The following CACNA2D3 variants were observed in gnomAD, a reference collection of about 807,000 sequenced individuals.
CACNA2D3 encodes voltage-dependent calcium channel subunit alpha-2/delta-3.
A neutral mutation model predicts 160.6 loss-of-function variants in CACNA2D3; 60 were observed. That is an observed-to-expected ratio of 0.37 (90% CI 0.30 to 0.46). The LOEUF (loss-of-function observed/expected upper bound fraction) is 0.46. Among genes scored for constraint, CACNA2D3 ranks in the 20% least tolerant of loss-of-function variants. The pLI, the probability that CACNA2D3 is intolerant of heterozygous loss-of-function variation, is 1.00. For missense variants in CACNA2D3, 1,205 were observed against 1,365.0 expected (o/e 0.88, Z 1.85); for synonymous variants, 558 against 492.9 (o/e 1.13, Z -1.75).
intron 18 of CACNA2D3, chr3:54,876,452 A>G (rs1470055673): frequency 6.6e-6 from 1 of 152,242 alleles, no homozygotes; most frequent in African/African-American, 2.4e-5. Flanking sequence ...ACCCTAGATC[A>G]TAGTACTTAG....
At chr3:54,773,160 A>G (rs1477545390) in intron 13 of CACNA2D3, among the ~76,000 whole-genome samples, 5 of 152,196 alleles carry the variant, frequency 3.3e-5, no homozygotes, top group Non-Finnish European at 5.9e-5. Flanking sequence ...ACTAAGTCCA[A>G]CTTGGAGAAA....
chr3:54,988,047 T>C (rs549604311), intron 31 of CACNA2D3, among the ~76,000 whole-genome samples: 176 of 152,288 alleles, frequency 1.2e-3, no homozygotes, highest in African/African-American at 4.0e-3. Flanking sequence ...CTGAAGCAAG[T>C]CACTGCGAAG....
chr3:54,315,339 A>G (rs1269773494), intron 2 of CACNA2D3, among the ~76,000 whole-genome samples: 3 of 152,232 alleles, frequency 2.0e-5, no homozygotes, highest in Non-Finnish European at 2.9e-5. Context: ...TCGTGACTTC[A>G]CATGTGACCT....
At chr3:54,969,261 A>ATTTTTTTTTTTTTTTTTTT (rs139722160) in intron 28 of CACNA2D3, among the ~76,000 whole-genome samples, 1 of 127,796 alleles carries the variant, frequency 7.8e-6, no homozygotes, top group African/African-American at 2.8e-5. Flanking sequence ...CATAAAGTAG[A>ATTTTTTTTTTTTTTTTTTT]CTTTTTTTTT....
chr3:54,159,038 A>G (rs547270912), intron 2 of CACNA2D3, among the ~76,000 whole-genome samples: 2 of 152,294 alleles, frequency 1.3e-5, no homozygotes, highest in Admixed American at 6.5e-5. Flanking sequence ...ATTGTTTCCA[A>G]TGCCAGAAGC....
intron 3 of CACNA2D3, among the ~76,000 whole-genome samples, chr3:54,384,268 GTAAA>G (rs1198402527): frequency 6.6e-6 from 1 of 152,100 alleles, no homozygotes; most frequent in Non-Finnish European, 1.5e-5. Context: ...ATGTGTTGCA[GTAAA>G]TAAATGCTCA....
intron 4 of CACNA2D3, among the ~76,000 whole-genome samples, chr3:54,485,047 G>A (rs887015413): frequency 2.0e-5 from 3 of 151,922 alleles, no homozygotes; most frequent in Admixed American, 6.6e-5. Context: ...GGGTTTCATC[G>A]TGTTGGCCAG....
intron 12 of CACNA2D3, among the ~76,000 whole-genome samples, chr3:54,762,189 C>G: frequency 6.6e-6 from 1 of 152,154 alleles, no homozygotes; most frequent in Non-Finnish European, 1.5e-5. Flanking sequence ...GACAGTCCTC[C>G]TGCCCATTTC....
chr3:54,295,536 C>A lies in CACNA2D3; in HGVS notation c.205-24906C>A, dbSNP rs548478612. On this transcript the variant is annotated intron_variant, in intron 2 of 37. Transcript: ENST00000474759. ...CTTGGTTCAGTCTGGAAAGACGGGACAACTCAAAGTGAGGAGGAGGCTTCC... is the reference window on the plus strand; with the variant it reads ...CTTGGTTCAGTCTGGAAAGACGGGAAAACTCAAAGTGAGGAGGAGGCTTCC... Among the ~76,000 whole-genome samples the A allele has an allele frequency of 5.9e-5, 9 of 152,232 alleles. No individual in the cohort carries two copies. In the East Asian group the frequency reaches 1.4e-3, roughly 23 times the overall value.
At chr3:54,959,933 A>G (rs1321277018) in intron 27 of CACNA2D3, among the ~76,000 whole-genome samples, 1 of 152,134 alleles carries the variant, frequency 6.6e-6, no homozygotes, top group African/African-American at 2.4e-5. Context: ...GTGAAAAGAA[A>G]ATTATTATTC....
intron 11 of CACNA2D3, among the ~76,000 whole-genome samples, chr3:54,675,127 G>C (rs1341496643): frequency 1.3e-5 from 2 of 152,114 alleles, no homozygotes; most frequent in African/African-American, 4.8e-5. Flanking sequence ...TTTTGGATTT[G>C]GCAATACCTA....
intron 13 of CACNA2D3, among the ~76,000 whole-genome samples, chr3:54,794,029 T>C (rs1702815274): frequency 6.6e-6 from 1 of 152,184 alleles, no homozygotes; most frequent in African/African-American, 2.4e-5. Flanking sequence ...AATATTCTCT[T>C]AGATTTCTTT....
At chr3:54,897,780 A>G (rs1394894793) in intron 26 of CACNA2D3, among the ~76,000 whole-genome samples, 1 of 152,222 alleles carries the variant, frequency 6.6e-6, no homozygotes, top group Admixed American at 6.5e-5. Flanking sequence ...AAATATTTTC[A>G]GAAAGGGTGC....
intron 9 of CACNA2D3, among the ~76,000 whole-genome samples, chr3:54,613,081 A>T (rs1054917261): frequency 1.1e-4 from 16 of 152,234 alleles, no homozygotes; most frequent in African/African-American, 3.6e-4. Context: ...TAAGTGGATC[A>T]GAGTCACAGT....
At chr3:54,531,185 A>C (rs1314408850) in intron 5 of CACNA2D3, among the ~76,000 whole-genome samples, 2 of 152,198 alleles carry the variant, frequency 1.3e-5, no homozygotes, top group Non-Finnish European at 2.9e-5. Flanking sequence ...AATTTGTCTG[A>C]ATCTTGTTTC....
intron 2 of CACNA2D3, among the ~76,000 whole-genome samples, chr3:54,179,179 A>G (rs1553745594): frequency 6.6e-6 from 1 of 152,214 alleles, no homozygotes; most frequent in Non-Finnish European, 1.5e-5. Flanking sequence ...GAAAAAGGGA[A>G]AGAGAAATAG....
intron 13 of CACNA2D3, among the ~76,000 whole-genome samples, chr3:54,767,243 TA>T (rs1266206668): frequency 6.6e-6 from 1 of 152,056 alleles, no homozygotes. Flanking sequence ...TTCAAGTGAA[TA>T]AAAAATTTCT....
chr3:54,861,460 C>A (rs1019106390), intron 17 of CACNA2D3, among the ~76,000 whole-genome samples: 2 of 152,078 alleles, frequency 1.3e-5, no homozygotes, highest in African/African-American at 4.8e-5. Context: ...GAGGCCAAGT[C>A]ACAGGGACTT....
chr3:54,764,494 CTT>C, intron 13 of CACNA2D3, 143 bp downstream of exon 13: 1 of 957,684 alleles, frequency 1.0e-6, no homozygotes, highest in Non-Finnish European at 1.5e-6. Flanking sequence ...TGTTGGTCAC[CTT>C]GACAAGCAAA....
Sources: allele counts gnomAD v4.1 joint callset (sites outside exome capture counted in the v4.1 genomes callset), GRCh38; gene constraint gnomAD v4.1.1; transcripts MANE v1.5; gene names NCBI Gene and HGNC (gene_info 2026-07-23, HGNC 2026-07-21).